PTPN3: variants seen among roughly 807,000 people sequenced by gnomAD.
PTPN3 encodes protein tyrosine phosphatase non-receptor type 3, also known as tyrosine-protein phosphatase non-receptor type 3.
A neutral mutation model predicts 132.7 loss-of-function variants in PTPN3; 96 were observed. That is an observed-to-expected ratio of 0.72 (90% CI 0.61 to 0.86). PTPN3 has a LOEUF of 0.86. Ranked by LOEUF, PTPN3 falls within the 40% of genes least tolerant of loss-of-function variation. The pLI is 0.00. For missense variants in PTPN3, 1,125 were observed against 1,159.6 expected, an observed-to-expected ratio of 0.97 and a Z score of 0.43; for synonymous variants, 398 against 429.0, an observed-to-expected ratio of 0.93 and a Z score of 0.89.
chr9:109,434,102 AT>A (rs374126170), intron 9 of PTPN3, among the ~76,000 whole-genome samples: 38 of 152,230 alleles, frequency 2.5e-4, no homozygotes, highest in African/African-American at 8.2e-4. Flanking sequence ...CTCTTGAGTC[AT>A]TTACCTTCTT....
chr9:109,460,735 C>T (rs1383603301), intron 2 of PTPN3, among the ~76,000 whole-genome samples: 1 of 152,176 alleles, frequency 6.6e-6, no homozygotes, highest in African/African-American at 2.4e-5. Flanking sequence ...GGCACTCTCT[C>T]CCTCTTGCTC....
chr9:109,395,035 G>A (rs1390359899), intron 19 of PTPN3, among the ~76,000 whole-genome samples: 3 of 152,002 alleles, frequency 2.0e-5, no homozygotes, highest in African/African-American at 7.2e-5. Context: ...AGCTACTCGG[G>A]AGGCTGAGGC....
intron 16 of PTPN3, among the ~76,000 whole-genome samples, chr9:109,408,856 A>ATG (rs1241270720): frequency 8.4e-6 from 1 of 119,024 alleles, no homozygotes; most frequent in African/African-American, 3.1e-5. Flanking sequence ...ATATATATAT[A>ATG]TATGGGCTTT....
intron 22 of PTPN3, among the ~76,000 whole-genome samples, chr9:109,385,412 G>A (rs1278426441): frequency 6.6e-6 from 1 of 152,230 alleles, no homozygotes; most frequent in South Asian, 2.1e-4. Context: ...CAGAACGGTA[G>A]ATGCTAAGCA....
upstream of PTPN3, among the ~76,000 whole-genome samples, chr9:109,502,271 T>A (rs1847872237): frequency 6.6e-6 from 1 of 152,212 alleles, no homozygotes; most frequent in African/African-American, 2.4e-5. Flanking sequence ...AGGATTGTCA[T>A]TCGCATCAAG....
chr9:109,502,784 A>G (rs1847877139), upstream of PTPN3, among the ~76,000 whole-genome samples: 4 of 152,276 alleles, frequency 2.6e-5, no homozygotes, highest in South Asian at 8.3e-4. Context: ...CAACAGCAAG[A>G]CTCTGTCTCA....
At chr9:109,409,246 G>T (rs1463107707) in intron 16 of PTPN3, among the ~76,000 whole-genome samples, 1 of 152,112 alleles carries the variant, frequency 6.6e-6, no homozygotes, top group Non-Finnish European at 1.5e-5. Context: ...GCCTGGAGGA[G>T]AGTGGTGGCC....
chr9:109,443,992 G>A (rs545956881), intron 7 of PTPN3, among the ~76,000 whole-genome samples: 11 of 152,102 alleles, frequency 7.2e-5, no homozygotes, highest in Non-Finnish European at 1.6e-4. Context: ...TTCCTGGTAG[G>A]GAAATAGGCA....
chr9:109,454,550 A>T lies in PTPN3; in HGVS notation c.314T>A (p.Phe105Tyr). ...LKGGFPCTLH[F>Y]RVRFFIPDPN... is the part of the protein sequence containing the mutation. ...ATCAGGTATAAAAAATCTTACTCGA[A>T]AATGCAGGGTACAGGGGAAACCTCC... The change falls in exon 5 of 26, where the codon TTT (phenylalanine) becomes TAT (tyrosine). Residue 105 changes from phenylalanine to tyrosine, a missense_variant. Coordinates refer to ENST00000374541, the MANE Select transcript of PTPN3 (RefSeq NM_002829.4). 1 of 1,613,640 alleles carries T rather than the reference A, an allele frequency of 6.2e-7. No individual in the cohort carries two copies. Among genetic ancestry groups the T allele is most frequent in the Non-Finnish European group, 8.5e-7 (1 of 1,179,856 alleles).
At chr9:109,381,534 C>T (rs763101394) in intron 25 of PTPN3, 118 bp downstream of exon 25, 117 of 1,416,702 alleles carry the variant, frequency 8.3e-5, no homozygotes, top group Non-Finnish European at 1.1e-4. Flanking sequence ...TGACCTTGGG[C>T]AAGTGATTCA....
the PTPN3 span, among the ~76,000 whole-genome samples, chr9:109,506,408 A>G: frequency 6.6e-6 from 1 of 152,172 alleles, no homozygotes; most frequent in Non-Finnish European, 1.5e-5. Context: ...ATGGAAGTTT[A>G]CATAAACCTT....
intron 10 of PTPN3, chr9:109,428,941 G>C (rs1221311566): frequency 5.1e-6 from 5 of 985,342 alleles, no homozygotes; most frequent in Non-Finnish European, 6.0e-6. Flanking sequence ...CATAGGCCAT[G>C]CGCTCTCTTT....
At chr9:109,527,933 C>G in the PTPN3 span, among the ~76,000 whole-genome samples, 3 of 151,798 alleles carry the variant, frequency 2.0e-5, no homozygotes, top group Non-Finnish European at 4.4e-5. Context: ...CCATCTAATT[C>G]AAAAAAATAG....
At chr9:109,482,096 C>A (rs568423623) in intron 1 of PTPN3, among the ~76,000 whole-genome samples, 1 of 152,328 alleles carries the variant, frequency 6.6e-6, no homozygotes, top group East Asian at 1.9e-4. Context: ...CTAATGCGCG[C>A]AGGGATTACA....
chr9:109,453,939 T>C (rs1278042020), intron 5 of PTPN3, among the ~76,000 whole-genome samples: 2 of 151,744 alleles, frequency 1.3e-5, no homozygotes, highest in East Asian at 3.9e-4. Context: ...CGCTTGAACC[T>C]GGGAGGCGGA....
the PTPN3 span, among the ~76,000 whole-genome samples, chr9:109,504,431 G>A: frequency 6.6e-6 from 1 of 152,214 alleles, no homozygotes; most frequent in Admixed American, 6.5e-5. Context: ...GTCAGTTGAT[G>A]CCAGTTTGGT....
chr9:109,500,965 A>G (rs1008548341), upstream of PTPN3, among the ~76,000 whole-genome samples: 9 of 151,972 alleles, frequency 5.9e-5, no homozygotes, highest in African/African-American at 2.2e-4. Flanking sequence ...ACACAAATAG[A>G]TTGTATAAAC....
chr9:109,514,370 T>G, the PTPN3 span, among the ~76,000 whole-genome samples: 17,955 of 152,256 alleles, frequency 0.12, 1,406 homozygotes, highest in Middle Eastern at 0.25. Context: ...CTCCTTAGTC[T>G]GTGCCATATT....
chr9:109,477,789 CCAGT>C (rs1225456880), intron 1 of PTPN3, among the ~76,000 whole-genome samples: 4 of 152,222 alleles, frequency 2.6e-5, no homozygotes, highest in Non-Finnish European at 5.9e-5. Flanking sequence ...AGCCCTGGCC[CCAGT>C]CAGTCTCTCC....
Sources: allele counts gnomAD v4.1 joint callset (sites outside exome capture counted in the v4.1 genomes callset), GRCh38; gene constraint gnomAD v4.1.1; transcripts MANE v1.5; gene names NCBI Gene and HGNC (gene_info 2026-07-23, HGNC 2026-07-21).